Variants in LRBA observed in about 807,000 individuals in gnomAD.
LRBA encodes the protein LPS responsive beige-like anchor protein.
LRBA carries 176 observed loss-of-function variants against 330.0 expected under a neutral mutation model. That is an observed-to-expected ratio of 0.53 (90% CI 0.47 to 0.60). LRBA has a LOEUF of 0.60. LRBA is among the 20% of genes least tolerant of loss of function. The pLI is 0.00. For missense variants in LRBA, 3,259 were observed against 3,444.8 expected (o/e 0.95, Z 1.35); for synonymous variants, 1,230 against 1,193.0 (o/e 1.03, Z -0.64).
intron 17 of LRBA, among the ~76,000 whole-genome samples, chr4:150,885,080 A>C (rs990003382): frequency 7.2e-5 from 11 of 152,054 alleles, no homozygotes; most frequent in African/African-American, 2.7e-4. Flanking sequence ...GTGAATTCAA[A>C]GATAAATCAA....
chr4:150,890,785 CTG>C, intron 17 of LRBA, among the ~76,000 whole-genome samples: 1 of 152,308 alleles, frequency 6.6e-6, no homozygotes, highest in East Asian at 1.9e-4. Context: ...TGAGATAAGA[CTG>C]TGAACCAAAA....
intron 40 of LRBA, among the ~76,000 whole-genome samples, chr4:150,522,319 A>G (rs1763001413): frequency 6.6e-6 from 1 of 152,202 alleles, no homozygotes; most frequent in Non-Finnish European, 1.5e-5. Flanking sequence ...GCACAAATTC[A>G]CTAAAAGAGA....
At chr4:150,440,787 CTTAGA>C (rs148164328) in intron 44 of LRBA, among the ~76,000 whole-genome samples, 62,076 of 151,282 alleles carry the variant, frequency 0.41, 13,148 homozygotes, top group South Asian at 0.51. Flanking sequence ...GAAATAAAAA[CTTAGA>C]TTAAAGTAGG....
intron 32 of LRBA, 78 bp downstream of exon 32, chr4:150,808,242 G>A (rs1032346157): frequency 2.1e-5 from 18 of 863,168 alleles, no homozygotes; most frequent in Admixed American, 1.3e-4. Context: ...GAAATGAAAC[G>A]AAGTAAAATA....
chr4:150,361,923 C>T (rs1188801583), intron 47 of LRBA, among the ~76,000 whole-genome samples: 1 of 152,064 alleles, frequency 6.6e-6, no homozygotes, highest in African/African-American at 2.4e-5. Context: ...AGGCACCCGC[C>T]ACCACGCCTG....
chr4:150,541,179 G>A (rs1765280600), intron 40 of LRBA, among the ~76,000 whole-genome samples: 1 of 152,072 alleles, frequency 6.6e-6, no homozygotes, highest in Non-Finnish European at 1.5e-5. Context: ...CTTGTTCCAC[G>A]TATTATGTTT....
intron 40 of LRBA, among the ~76,000 whole-genome samples, chr4:150,514,084 G>A (rs1561288499): frequency 6.6e-6 from 1 of 152,028 alleles, no homozygotes; most frequent in Non-Finnish European, 1.5e-5. Flanking sequence ...TGTTTTGTTT[G>A]TTTTTGAGAT....
rs927967304 is a variant in LRBA, at chr4:150,960,736, T to G, written c.217-31671A>C. ...TTTATATTTGTTTTGGTTTGGTTTT[T>G]CAATAGTTACAGTTTTACAATAAAA... On this transcript the variant is annotated intron_variant, in intron 2 of 56. Coordinates refer to ENST00000651943, the MANE Select transcript of LRBA (RefSeq NM_001364905.1). 1.3e-5 allele frequency among the ~76,000 whole-genome samples: 2 copies of G among 149,158 alleles called. 1 individual carries two copies. The highest frequency in any genetic ancestry group is 5.2e-5 in the African/African-American group (2 of 38,582).
At chr4:150,490,846 G>T in intron 41 of LRBA, 72 bp downstream of exon 41, 2 of 783,594 alleles carry the variant, frequency 2.6e-6, no homozygotes, top group South Asian at 2.4e-5. Flanking sequence ...GAAGCAATAT[G>T]GTATGTTCAA....
chr4:150,471,681 A>G lies in LRBA; in HGVS notation c.6610T>C (p.Trp2204Arg). ...AAATTAGATATCTCTCTGTGTTGCC[A>G]TCGCTGGGTCATATTAGAAGCCTTA... ...LFKASNMTQR[W>R]QHREISNFEY... The change falls in exon 43 of 57, where the codon TGG becomes CGG. Residue 2204 changes from tryptophan (W) to arginine (R), a missense_variant. Transcript: ENST00000651943. The G allele has an allele frequency of 6.2e-7, 1 of 1,610,292 alleles. No individual in the cohort carries two copies. Among genetic ancestry groups the G allele is most frequent in the Non-Finnish European group, 8.5e-7 (1 of 1,178,788 alleles).
At chr4:150,811,732 T>C (rs1743768747) in intron 31 of LRBA, among the ~76,000 whole-genome samples, 1 of 152,178 alleles carries the variant, frequency 6.6e-6, no homozygotes, top group Non-Finnish European at 1.5e-5. Flanking sequence ...CTTGAACTCC[T>C]GGCTTCAGGT....
At chr4:150,917,152 CA>C (rs1158155392) in intron 5 of LRBA, among the ~76,000 whole-genome samples, 1 of 132,834 alleles carries the variant, frequency 7.5e-6, no homozygotes, top group South Asian at 2.7e-4. Context: ...GACTCCATCT[CA>C]AAAAAAAAAA....
intron 40 of LRBA, among the ~76,000 whole-genome samples, chr4:150,516,328 CA>C (rs1387996221): frequency 7.1e-6 from 1 of 140,388 alleles, no homozygotes. Context: ...CTAGACTGTA[CA>C]GTGGCTTGCA....
Position 150,371,383 on chromosome 4 carries a change from G to C in LRBA, c.7195-21224C>G, listed in dbSNP as rs530514196. 7.2e-5 allele frequency among the ~76,000 whole-genome samples: 11 copies of C among 151,760 alleles called. No homozygotes were observed. The South Asian group carries it at 1.9e-3, about 26-fold the overall frequency. On this transcript the variant is annotated intron_variant, in intron 47 of 56. Transcript: ENST00000651943. The stretch of plus-strand genomic sequence containing the variant: ...AATTTTTGTATTTTTAGTAAAGATG[G>C]GGTTTCACCATGTTGGCCAGGCTGG...
At chr4:150,353,658 AGCTACCGTGT>A (rs1033906457) in intron 47 of LRBA, among the ~76,000 whole-genome samples, 9 of 152,168 alleles carry the variant, frequency 5.9e-5, no homozygotes, top group African/African-American at 2.2e-4. Flanking sequence ...CTGAAAGGAA[AGCTACCGTGT>A]GCTCATATCA....
At chr4:151,014,314 A>C in intron 2 of LRBA, 113 bp downstream of exon 2, 1 of 749,322 alleles carries the variant, frequency 1.3e-6, no homozygotes. Context: ...TTGTGTCCCT[A>C]TACACGAAAA....
chr4:150,425,021 C>A (rs1048608439), intron 46 of LRBA, among the ~76,000 whole-genome samples: 12 of 152,172 alleles, frequency 7.9e-5, no homozygotes, highest in African/African-American at 2.9e-4. Context: ...CAGCCAAAAT[C>A]TTACTGTGGA....
At chr4:150,335,463 G>GTA (rs1452315557) in intron 48 of LRBA, among the ~76,000 whole-genome samples, 28 of 131,312 alleles carry the variant, frequency 2.1e-4, no homozygotes, top group Non-Finnish European at 2.3e-4. Flanking sequence ...GTGTATATAT[G>GTA]TGTATATATA....
intron 36 of LRBA, among the ~76,000 whole-genome samples, chr4:150,716,409 G>C (rs1728210363): frequency 6.6e-6 from 1 of 152,092 alleles, no homozygotes; most frequent in Admixed American, 6.6e-5. Context: ...AAAGAAAATA[G>C]GGTAAAAAAT....
Sources: allele counts gnomAD v4.1 joint callset (sites outside exome capture counted in the v4.1 genomes callset), GRCh38; gene constraint gnomAD v4.1.1; transcripts MANE v1.5; gene names NCBI Gene and HGNC (gene_info 2026-07-23, HGNC 2026-07-21).